The following FHIT variants were observed in gnomAD, a reference collection of about 807,000 sequenced individuals.
FHIT encodes the protein bis(5'-adenosyl)-triphosphatase.
A neutral mutation model predicts 17.9 loss-of-function variants in FHIT; 19 were observed. The ratio of observed to expected loss-of-function variants is 1.06; its 90% CI spans 0.74 to 1.56. The LOEUF is 1.56. Among genes scored for constraint, FHIT ranks in the 40% most tolerant of loss-of-function variants. FHIT has a pLI of 0.00. For synonymous variants in FHIT, 81 were observed against 69.7 expected (o/e 1.16, Z -0.81); for missense variants, 248 against 189.2 (o/e 1.31, Z -1.82).
chr3:59,938,021 T>C (rs1706326986), intron 7 of FHIT, among the ~76,000 whole-genome samples: 1 of 152,164 alleles, frequency 6.6e-6, no homozygotes, highest in Non-Finnish European at 1.5e-5. Context: ...GAGCTGCAAC[T>C]TTTTGCAAGG....
At chr3:60,128,434 C>G (rs774106012) in intron 5 of FHIT, among the ~76,000 whole-genome samples, 1 of 152,160 alleles carries the variant, frequency 6.6e-6, no homozygotes, top group Non-Finnish European at 1.5e-5. Context: ...TATAAGTTTC[C>G]TGAGGCCTCT....
chr3:59,832,422 T>C (rs1701196716), intron 8 of FHIT, among the ~76,000 whole-genome samples: 1 of 152,192 alleles, frequency 6.6e-6, no homozygotes, highest in Non-Finnish European at 1.5e-5. Context: ...CCCTACCTTA[T>C]CTGTAACATC....
At chr3:60,518,293 T>A (rs2107558660) in intron 5 of FHIT, among the ~76,000 whole-genome samples, 1 of 152,292 alleles carries the variant, frequency 6.6e-6, no homozygotes, top group East Asian at 1.9e-4. Context: ...TATTGGGTTT[T>A]TAAAAATATC....
At chr3:59,839,500 A>G (rs1033511046) in intron 8 of FHIT, among the ~76,000 whole-genome samples, 1 of 152,142 alleles carries the variant, frequency 6.6e-6, no homozygotes, top group African/African-American at 2.4e-5. Context: ...CTAGTTAAAT[A>G]TGTTGTACCC....
intron 5 of FHIT, among the ~76,000 whole-genome samples, chr3:60,186,988 G>A (rs963819306): frequency 1.3e-5 from 2 of 152,088 alleles, no homozygotes; most frequent in African/African-American, 2.4e-5. Flanking sequence ...ACCAGTTCAT[G>A]CCCGTAGAGT....
At chr3:61,069,195 T>C (rs1457546873) in intron 2 of FHIT, among the ~76,000 whole-genome samples, 1 of 152,214 alleles carries the variant, frequency 6.6e-6, no homozygotes, top group African/African-American at 2.4e-5. Flanking sequence ...GCCATGGTTT[T>C]TTTCGTGGCA....
intron 4 of FHIT, among the ~76,000 whole-genome samples, chr3:60,543,124 A>C (rs932605339): frequency 1.3e-5 from 2 of 152,106 alleles, no homozygotes; most frequent in African/African-American, 4.8e-5. Context: ...GTAAAGGACC[A>C]GACACAGCAG....
At chr3:60,049,288 T>G (rs890674393) in intron 5 of FHIT, among the ~76,000 whole-genome samples, 4 of 152,334 alleles carry the variant, frequency 2.6e-5, no homozygotes, top group African/African-American at 7.2e-5. Flanking sequence ...GGATCTAAGC[T>G]GTTAAACATA....
At chr3:60,530,075 C>T (rs1233617216) in intron 5 of FHIT, among the ~76,000 whole-genome samples, 1 of 152,160 alleles carries the variant, frequency 6.6e-6, no homozygotes, top group East Asian at 1.9e-4. Flanking sequence ...GGCCAGCCCA[C>T]CCCATCCCAT....
intron 2 of FHIT, among the ~76,000 whole-genome samples, chr3:61,164,068 G>A (rs2037768567): frequency 6.6e-6 from 1 of 152,132 alleles, no homozygotes. Flanking sequence ...CAAAGGAGAA[G>A]GAAAAGGAGA....
At chr3:61,226,770 AT>A (rs1359211553) in intron 1 of FHIT, among the ~76,000 whole-genome samples, 8 of 152,216 alleles carry the variant, frequency 5.3e-5, no homozygotes, top group African/African-American at 1.7e-4. Context: ...AATGCAAATA[AT>A]TGTTAAAATT....
At chr3:60,864,994 T>C (rs1384701488) in intron 3 of FHIT, among the ~76,000 whole-genome samples, 1 of 152,034 alleles carries the variant, frequency 6.6e-6, no homozygotes, top group African/African-American at 2.4e-5. Flanking sequence ...AGCTTCTGAA[T>C]CGCCTTAGTT....
rs144334070 is a variant in FHIT, at chr3:60,332,946, A to G, written c.103+203914T>C. Among the ~76,000 whole-genome samples, 501 of 152,294 alleles carry G rather than the reference A, an allele frequency of 3.3e-3. 6 individuals carry two copies. The highest frequency in any genetic ancestry group is 0.012 in the African/African-American group (483 of 41,564). ...CACCACTTAACGAAAGACTTTAAAA[A>G]CTTTAGGAACAATTTATTTAAAGAA... On this transcript the variant is annotated intron_variant, in intron 5 of 9. Coordinates refer to ENST00000492590, the MANE Select transcript of FHIT (RefSeq NM_002012.4).
chr3:59,752,200 A>G (rs1700946791), intron 9 of FHIT, 21 bp downstream of exon 9: 2 of 1,574,404 alleles, frequency 1.3e-6, no homozygotes, highest in Non-Finnish European at 1.7e-6. Flanking sequence ...GGTCTGGGTA[A>G]TGACGAAATG....
chr3:59,839,498 A>T (rs1701455523), intron 8 of FHIT, among the ~76,000 whole-genome samples: 1 of 152,082 alleles, frequency 6.6e-6, no homozygotes, highest in Non-Finnish European at 1.5e-5. Flanking sequence ...CCCTAGTTAA[A>T]TATGTTGTAC....
chr3:60,604,155 A>G (rs930404883), intron 4 of FHIT, among the ~76,000 whole-genome samples: 3 of 152,174 alleles, frequency 2.0e-5, no homozygotes, highest in African/African-American at 7.2e-5. Context: ...ACAAGGATTT[A>G]CATTTAGTAC....
At chr3:60,102,419 T>C (rs1704232054) in intron 5 of FHIT, among the ~76,000 whole-genome samples, 1 of 151,890 alleles carries the variant, frequency 6.6e-6, no homozygotes, top group Non-Finnish European at 1.5e-5. Flanking sequence ...ATGGGGCGAG[T>C]AAGCCAGCAC....
At chr3:61,235,988 CCT>C (rs1190015464) in intron 1 of FHIT, among the ~76,000 whole-genome samples, 1 of 151,558 alleles carries the variant, frequency 6.6e-6, no homozygotes, top group African/African-American at 2.4e-5. Context: ...CAGAAAGTGC[CCT>C]GTGTGTTTTC....
chr3:60,029,731 G>A (rs1456367946), intron 5 of FHIT, among the ~76,000 whole-genome samples: 2 of 152,176 alleles, frequency 1.3e-5, no homozygotes, highest in African/African-American at 4.8e-5. Context: ...TCAGCCAGGT[G>A]AAGGAAGACA....
Sources: allele counts gnomAD v4.1 joint callset (sites outside exome capture counted in the v4.1 genomes callset), GRCh38; gene constraint gnomAD v4.1.1; transcripts MANE v1.5; gene names NCBI Gene and HGNC (gene_info 2026-07-23, HGNC 2026-07-21).